CELF4: variants seen among roughly 807,000 people sequenced by gnomAD.
CELF4 encodes the protein CUGBP Elav-like family member 4.
CELF4 carries 18 observed loss-of-function variants against 59.9 expected under a neutral mutation model. The ratio of observed to expected loss-of-function variants is 0.30; its 90% CI spans 0.21 to 0.45. CELF4 has a LOEUF of 0.45. Among genes scored for constraint, CELF4 ranks in the 20% least tolerant of loss-of-function variants. CELF4 has a pLI of 1.00. For missense variants in CELF4, 456 were observed against 689.0 expected, an observed-to-expected ratio of 0.66 and a Z score of 3.79; for synonymous variants, 261 against 267.1, an observed-to-expected ratio of 0.98 and a Z score of 0.22.
At chr18:37,541,696 C>T (rs2099977941) in intron 1 of CELF4, among the ~76,000 whole-genome samples, 1 of 152,094 alleles carries the variant, frequency 6.6e-6, no homozygotes, top group Non-Finnish European at 1.5e-5. Flanking sequence ...TGTCACACTG[C>T]TCTTCCTCCT....
chr18:37,470,782 C>G (rs1183164737), intron 2 of CELF4, among the ~76,000 whole-genome samples: 1 of 148,898 alleles, frequency 6.7e-6, no homozygotes, highest in Non-Finnish European at 1.5e-5. Flanking sequence ...GTGAAATCAC[C>G]CAGGGAGCAT....
chr18:37,273,253 A>T, intron 6 of CELF4, 90 bp from the exon 7 acceptor site: 1 of 1,512,504 alleles, frequency 6.6e-7, no homozygotes, highest in Non-Finnish European at 8.9e-7. Flanking sequence ...CCAATCTCCC[A>T]GGCTCTGAGC....
intron 2 of CELF4, among the ~76,000 whole-genome samples, chr18:37,364,396 G>A (rs2154561591): frequency 6.6e-6 from 1 of 152,318 alleles, no homozygotes; most frequent in Admixed American, 6.5e-5. Context: ...CCCAGCCTGG[G>A]CTCTAGAACA....
At chr18:37,291,056 T>G (rs1006929958) in intron 3 of CELF4, among the ~76,000 whole-genome samples, 1 of 152,176 alleles carries the variant, frequency 6.6e-6, no homozygotes, top group African/African-American at 2.4e-5. Context: ...ATTACAGGCA[T>G]GTGCCACGAT....
intron 2 of CELF4, among the ~76,000 whole-genome samples, chr18:37,388,114 A>G (rs1210211393): frequency 6.6e-6 from 1 of 151,958 alleles, no homozygotes; most frequent in Non-Finnish European, 1.5e-5. Context: ...CCTTTGGGGC[A>G]GGTTTCATTG....
rs147395993 is a variant in CELF4 at position 37,327,797 on chromosome 18, C to T, written c.370-5916G>A. The stretch of plus-strand genomic sequence containing the variant: ...GTCCACCTCTGTGCCCTCTGCTTCA[C>T]GCTGGGCCCCAGCAGGGCCCCCTCA... On this transcript the variant is annotated intron_variant, in intron 2 of 12. Coordinates refer to ENST00000420428, the MANE Select transcript of CELF4 (RefSeq NM_020180.4). Among the ~76,000 whole-genome samples, 460 of 152,282 alleles carry T rather than the reference C, an allele frequency of 3.0e-3. 2 individuals carry two copies. Among genetic ancestry groups the T allele is most frequent in the African/African-American group, 0.011 (437 of 41,554 alleles).
At chr18:37,561,587 T>C (rs796999136) in intron 1 of CELF4, among the ~76,000 whole-genome samples, 14 of 152,310 alleles carry the variant, frequency 9.2e-5, no homozygotes, top group African/African-American at 3.4e-4. Context: ...GATTTCTTCA[T>C]GTGTGATCCA....
chr18:37,501,149 A>G (rs982781620), intron 1 of CELF4, among the ~76,000 whole-genome samples: 1 of 152,214 alleles, frequency 6.6e-6, no homozygotes, highest in Non-Finnish European at 1.5e-5. Flanking sequence ...CTGGGCACAA[A>G]GGCCCCCACA....
intron 3 of CELF4, among the ~76,000 whole-genome samples, chr18:37,302,397 G>A (rs1279662678): frequency 6.6e-6 from 1 of 152,178 alleles, no homozygotes; most frequent in African/African-American, 2.4e-5. Flanking sequence ...CCTGATCATT[G>A]GGGCAGGCAC....
chr18:37,386,163 C>A (rs2099097183), intron 2 of CELF4, among the ~76,000 whole-genome samples: 1 of 152,184 alleles, frequency 6.6e-6, no homozygotes, highest in African/African-American at 2.4e-5. Context: ...CAGGCACATA[C>A]CCCGCTGTCC....
intron 2 of CELF4, among the ~76,000 whole-genome samples, chr18:37,355,192 T>C (rs1422166233): frequency 1.3e-5 from 2 of 152,176 alleles, no homozygotes; most frequent in South Asian, 2.1e-4. Context: ...ATACAGGACA[T>C]AGAGTTGTGT....
chr18:37,377,618 C>T (rs1025944957), intron 2 of CELF4, among the ~76,000 whole-genome samples: 7 of 152,188 alleles, frequency 4.6e-5, no homozygotes, highest in South Asian at 2.1e-4. Flanking sequence ...GAAATGAATG[C>T]GCACAGATCT....
At chr18:37,481,150 G>A (rs1474551378) in intron 2 of CELF4, among the ~76,000 whole-genome samples, 2 of 152,190 alleles carry the variant, frequency 1.3e-5, no homozygotes, top group Non-Finnish European at 2.9e-5. Flanking sequence ...ACAGCAGGGA[G>A]GAGTGTGTTA....
At chr18:37,282,784 C>T (rs1419023607) in intron 3 of CELF4, among the ~76,000 whole-genome samples, 1 of 152,186 alleles carries the variant, frequency 6.6e-6, no homozygotes, top group Non-Finnish European at 1.5e-5. Flanking sequence ...CTCCCAAGAG[C>T]CAGTTCCTTC....
At chr18:37,530,094 T>C (rs927892655) in intron 1 of CELF4, among the ~76,000 whole-genome samples, 1 of 152,218 alleles carries the variant, frequency 6.6e-6, no homozygotes, top group Admixed American at 6.5e-5. Context: ...CCTGCAGAGA[T>C]GACAGCCAGT....
intron 3 of CELF4, among the ~76,000 whole-genome samples, chr18:37,279,201 G>A (rs2093796990): frequency 6.6e-6 from 1 of 152,178 alleles, no homozygotes; most frequent in African/African-American, 2.4e-5. Context: ...CGGGGTATTG[G>A]GGAGCTGCCC....
intron 2 of CELF4, among the ~76,000 whole-genome samples, chr18:37,355,287 G>A (rs561835954): frequency 8.0e-4 from 122 of 152,292 alleles, no homozygotes; most frequent in Non-Finnish European, 1.2e-3. Context: ...GAGATTGCCT[G>A]ATTATGTCCA....
chr18:37,525,214 C>G (rs2099962495), intron 1 of CELF4, among the ~76,000 whole-genome samples: 1 of 152,200 alleles, frequency 6.6e-6, no homozygotes, highest in Non-Finnish European at 1.5e-5. Flanking sequence ...GGTGGCCTGT[C>G]GCTCTCTTCA....
intron 2 of CELF4, among the ~76,000 whole-genome samples, chr18:37,396,151 A>G (rs1657244946): frequency 1.3e-5 from 2 of 152,210 alleles, no homozygotes; most frequent in Admixed American, 1.3e-4. Flanking sequence ...AGACTGCAAG[A>G]AGACTCTGAC....
Sources: allele counts gnomAD v4.1 joint callset (sites outside exome capture counted in the v4.1 genomes callset), GRCh38; gene constraint gnomAD v4.1.1; transcripts MANE v1.5; gene names NCBI Gene and HGNC (gene_info 2026-07-23, HGNC 2026-07-21).